Variants in MAP2K5 observed in about 807,000 individuals in gnomAD.
MAP2K5 encodes mitogen-activated protein kinase kinase 5.
Under a neutral mutation model 83.1 loss-of-function variants are expected in MAP2K5, and 49 were observed. That is an observed-to-expected ratio of 0.59 (90% CI 0.47 to 0.75). MAP2K5 has a LOEUF of 0.75. MAP2K5 is among the 30% of genes least tolerant of loss of function. MAP2K5 has a pLI of 0.00. For missense variants in MAP2K5, 457 were observed against 557.5 expected (o/e 0.82, Z 1.82); for synonymous variants, 202 against 191.8 (o/e 1.05, Z -0.44).
At chr15:67,740,941 T>C (rs1371015566) in intron 17 of MAP2K5, among the ~76,000 whole-genome samples, 1 of 151,594 alleles carries the variant, frequency 6.6e-6, no homozygotes, top group Non-Finnish European at 1.5e-5. Context: ...GGTAGGAGAA[T>C]TGCTTGAACT....
intron 9 of MAP2K5, among the ~76,000 whole-genome samples, chr15:67,635,017 A>G (rs2086568402): frequency 6.6e-6 from 1 of 152,102 alleles, no homozygotes; most frequent in South Asian, 2.1e-4. Flanking sequence ...TCATAACTTA[A>G]CATAGTCTTC....
At chr15:67,592,060 G>A (rs1329609756) in intron 6 of MAP2K5, among the ~76,000 whole-genome samples, 5 of 136,988 alleles carry the variant, frequency 3.6e-5, no homozygotes, top group African/African-American at 1.4e-4. Flanking sequence ...GTGGTGAGCC[G>A]AGATCGCACC....
chr15:67,748,258 G>A lies in MAP2K5; in HGVS notation c.1101+1G>A. The A allele has an allele frequency of 1.2e-6, 2 of 1,606,650 alleles. No individual in the cohort carries two copies. The highest frequency in any genetic ancestry group is 1.7e-6 in the Non-Finnish European group (2 of 1,173,962). On this transcript the variant is annotated splice_donor_variant, in intron 18 of 21. Transcript: ENST00000178640. LOFTEE classifies it high-confidence loss of function. The surrounding 1 kb of genome is among the most constrained non-coding windows in gnomAD (Gnocchi z 4.0). The stretch of plus-strand genomic sequence containing the variant: ...TCAGAAAAACCAGGGATCTTTAATG[G>A]TAAGCTTTATGAGTTCAGAAAAAAA...
Position 67,724,079 on chromosome 15 carries a change from CAG to C in MAP2K5, c.1045-3836_1045-3835del, listed in dbSNP as rs1336800603. ...TGCCCGACCCCTAGTGATACAGAAACAGGCAAAATTAAAAAGGACATTAAAGC... is the reference window on the plus strand; with the variant it reads ...TGCCCGACCCCTAGTGATACAGAAACGCAAAATTAAAAAGGACATTAAAGC... On this transcript the variant is annotated intron_variant, in intron 16 of 21. Coordinates refer to ENST00000178640, the MANE Select transcript of MAP2K5 (RefSeq NM_145160.3). The surrounding 1 kb of genome is among the most constrained non-coding windows in gnomAD (Gnocchi z 4.4). Among the ~76,000 whole-genome samples, 5 of 152,180 alleles carry C rather than the reference CAG, an allele frequency of 3.3e-5. No homozygotes were observed. The highest frequency in any genetic ancestry group is 1.2e-4 in the African/African-American group (5 of 41,438).
At chr15:67,753,870 T>C (rs2089775482) in intron 19 of MAP2K5, among the ~76,000 whole-genome samples, 2 of 152,136 alleles carry the variant, frequency 1.3e-5, no homozygotes, top group South Asian at 2.1e-4. Context: ...TCCAAGAGAA[T>C]AGAAAACATA....
chr15:67,557,744 T>C (rs886224992), intron 2 of MAP2K5, among the ~76,000 whole-genome samples: 6 of 152,226 alleles, frequency 3.9e-5, no homozygotes, highest in Admixed American at 2.6e-4. Flanking sequence ...ACTCTTGTGT[T>C]CAGCTAGCCA....
chr15:67,806,600 G>A (rs779145801), intron 21 of MAP2K5, 46 bp from the exon 22 acceptor site: 11 of 1,499,906 alleles, frequency 7.3e-6, no homozygotes, highest in South Asian at 3.7e-5. Flanking sequence ...CAATGAGCGC[G>A]GGAGTCCGAG....
chr15:67,776,032 C>G (rs1373089963), intron 21 of MAP2K5, among the ~76,000 whole-genome samples: 1 of 152,142 alleles, frequency 6.6e-6, no homozygotes, highest in Non-Finnish European at 1.5e-5. Context: ...TGAATGGTCT[C>G]CTGTTCATGT....
intron 5 of MAP2K5, 25 bp downstream of exon 5, chr15:67,585,955 G>A (rs2085279780): frequency 1.2e-6 from 2 of 1,603,954 alleles, no homozygotes; most frequent in Non-Finnish European, 1.7e-6. Flanking sequence ...AATTGTTTCA[G>A]TAAAGTTAGA....
chr15:67,707,901 A>C lies in MAP2K5; in HGVS notation c.1044+4493A>C, dbSNP rs369673690. On this transcript the variant is annotated intron_variant, in intron 16 of 21. Transcript: ENST00000178640. The stretch of plus-strand genomic sequence containing the variant: ...GTAGTTTCACTACTTTTTTGTGTGC[A>C]TGCCTTCTTCAAAGTATTTTAAGTT... 2.6e-4 allele frequency among the ~76,000 whole-genome samples: 39 copies of C among 152,298 alleles called. No individual in the cohort carries two copies. In the South Asian group the frequency reaches 8.1e-3, roughly 32 times the overall value.
intron 17 of MAP2K5, among the ~76,000 whole-genome samples, chr15:67,741,144 G>T (rs894642461): frequency 6.6e-6 from 1 of 152,046 alleles, no homozygotes; most frequent in South Asian, 2.1e-4. Context: ...TCTGTGTTCA[G>T]GTGTGGGTGT....
intron 13 of MAP2K5, among the ~76,000 whole-genome samples, chr15:67,673,356 A>G (rs16951105): frequency 0.22 from 33,249 of 152,106 alleles, 4,845 homozygotes; most frequent in East Asian, 0.53. Flanking sequence ...TAGTGTAGGC[A>G]GGTAAATGTT....
At position 67,755,227 on chromosome 15, in the gene MAP2K5, C is replaced by T. The variant is rs2089810369; in HGVS notation, c.1134+6626C>T. 6.6e-6 allele frequency among the ~76,000 whole-genome samples: 1 copy of T among 152,160 alleles called. No homozygotes were observed. The highest frequency in any genetic ancestry group is 1.5e-5 in the Non-Finnish European group (1 of 68,032). ...CTCCTGACCTCAAGTGATCGCCCGC[C>T]TCAGCCTCCCAAAGTGCTAAGATTA... On this transcript the variant is annotated intron_variant, in intron 19 of 21. Coordinates refer to ENST00000178640, the MANE Select transcript of MAP2K5 (RefSeq NM_145160.3). The surrounding 1 kb of genome is among the most constrained non-coding windows in gnomAD (Gnocchi z 4.7).
intron 11 of MAP2K5, among the ~76,000 whole-genome samples, chr15:67,648,899 G>A (rs565890148): frequency 1.3e-5 from 2 of 152,250 alleles, no homozygotes; most frequent in Admixed American, 1.3e-4. Flanking sequence ...GTTCTTTTGG[G>A]TATATACCTA....
intron 12 of MAP2K5, among the ~76,000 whole-genome samples, chr15:67,659,693 G>A (rs2141143209): frequency 6.6e-6 from 1 of 152,150 alleles, no homozygotes; most frequent in African/African-American, 2.4e-5. Context: ...TGGCTGTAAA[G>A]TTTAATAACA....
intron 8 of MAP2K5, among the ~76,000 whole-genome samples, chr15:67,612,964 C>T (rs563725345): frequency 1.0e-4 from 15 of 145,354 alleles, no homozygotes; most frequent in African/African-American, 3.8e-4. Flanking sequence ...AGACTTTGTA[C>T]TGCAGTATTG....
At position 67,559,517 on chromosome 15, in the gene MAP2K5, T is replaced by C. The variant is rs1379526855; in HGVS notation, c.185-3766T>C. The stretch of plus-strand genomic sequence containing the variant: ...AACAACATATGGCCTGTTATGATTC[T>C]CTTTTCCCAAACTCTGCCATTTTGT... On this transcript the variant is annotated intron_variant, in intron 2 of 21. Coordinates refer to ENST00000178640, the MANE Select transcript of MAP2K5 (RefSeq NM_145160.3). The surrounding 1 kb of genome is among the most constrained non-coding windows in gnomAD (Gnocchi z 4.7). 1.3e-5 allele frequency among the ~76,000 whole-genome samples: 2 copies of C among 152,228 alleles called. No individual in the cohort carries two copies. Among genetic ancestry groups the C allele is most frequent in the African/African-American group, 4.8e-5 (2 of 41,460 alleles).
intron 13 of MAP2K5, among the ~76,000 whole-genome samples, chr15:67,669,284 G>A (rs1055544390): frequency 2.6e-5 from 4 of 152,106 alleles, no homozygotes; most frequent in Admixed American, 2.6e-4. Flanking sequence ...TAATAAGTAA[G>A]TAAAATACGG....
intron 17 of MAP2K5, among the ~76,000 whole-genome samples, chr15:67,733,282 C>T (rs751937447): frequency 6.6e-6 from 1 of 152,080 alleles, no homozygotes; most frequent in Non-Finnish European, 1.5e-5. Flanking sequence ...TTATTCCAAA[C>T]GGCTTTTTAA....
Sources: allele counts gnomAD v4.1 joint callset (sites outside exome capture counted in the v4.1 genomes callset), GRCh38; gene constraint gnomAD v4.1.1; non-coding constraint Gnocchi (gnomAD v3.1); transcripts MANE v1.5; gene names NCBI Gene and HGNC (gene_info 2026-07-23, HGNC 2026-07-21).